The following GRIP2 variants were observed in gnomAD, a reference collection of about 807,000 sequenced individuals.
GRIP2 encodes glutamate receptor-interacting protein 2.
In GRIP2, 58 loss-of-function variants were observed where a neutral mutation model predicts 108.3. The ratio of observed to expected loss-of-function variants is 0.54; its 90% CI spans 0.43 to 0.67. The LOEUF (loss-of-function observed/expected upper bound fraction) is 0.67, where lower values mean the gene tolerates loss of function less well. Ranked by LOEUF, GRIP2 falls within the 30% of genes least tolerant of loss-of-function variation. GRIP2 has a pLI of 0.00. For synonymous variants in GRIP2, 586 were observed against 598.2 expected (o/e 0.98, Z 0.30); for missense variants, 1,278 against 1,430.6 (o/e 0.89, Z 1.72).
upstream of GRIP2, among the ~76,000 whole-genome samples, chr3:14,544,391 T>G (rs1448628743): frequency 6.6e-6 from 1 of 152,056 alleles, no homozygotes; most frequent in Non-Finnish European, 1.5e-5. Flanking sequence ...CCACTGTAGT[T>G]GAGAACCAAG....
chr3:14,496,401 C>T lies in GRIP2; in HGVS notation c.2823+16G>A. 2 of 1,598,254 alleles carry T rather than the reference C, an allele frequency of 1.3e-6. No homozygotes were observed. Among genetic ancestry groups the T allele is most frequent in the Non-Finnish European group, 1.7e-6 (2 of 1,169,830 alleles). On this transcript the variant is annotated intron_variant, in intron 22 of 23. Transcript: ENST00000621039. ...AACACAGGTCCAGGTCTCCTGTGCT[C>T]ACCCCCTGTGCCTACCTTGTGCATC...
At chr3:14,524,624 C>T in intron 3 of GRIP2, 86 bp from the exon 4 acceptor site, 1 of 1,390,900 alleles carries the variant, frequency 7.2e-7, no homozygotes, top group South Asian at 1.4e-5. Flanking sequence ...TCTGGAATCC[C>T]TATGATCACT....
chr3:14,540,503 A>G, upstream of GRIP2: 1 of 1,328,638 alleles, frequency 7.5e-7, no homozygotes, highest in Non-Finnish European at 1.0e-6. This position sits in a 1 kb window ranked among gnomAD's most constrained non-coding sequence, Gnocchi z 4.1. Flanking sequence ...GCTCCAGGAC[A>G]GGGTCCAACA....
At chr3:14,568,314 G>A in the GRIP2 span, among the ~76,000 whole-genome samples, 2 of 152,284 alleles carry the variant, frequency 1.3e-5, no homozygotes, top group Admixed American at 6.5e-5. Flanking sequence ...ACACCGGGAC[G>A]TGGACCAGGT....
intron 1 of GRIP2, among the ~76,000 whole-genome samples, chr3:14,547,499 CA>C (rs1695075608): frequency 6.6e-6 from 1 of 152,072 alleles, no homozygotes; most frequent in Non-Finnish European, 1.5e-5. Context: ...ACTTGGAGTT[CA>C]AAAATTAAAA....
Position 14,521,865 on chromosome 3 carries a change from G to A in GRIP2, c.567-78C>T, listed in dbSNP as rs765942685. On this transcript the variant is annotated intron_variant, in intron 6 of 23. Transcript: ENST00000621039. The surrounding 1 kb of genome is among the most constrained non-coding windows in gnomAD (Gnocchi z 5.1). ...CCTGTCTGGGAGGGCGCTGGGAAGC[G>A]GGACATGGAGGATGAAGAAGCAGGG... 2.2e-4 allele frequency: 300 copies of A among 1,353,580 alleles called. No homozygotes were observed. Among genetic ancestry groups the A allele is most frequent in the Non-Finnish European group, 2.6e-4 (268 of 1,019,986 alleles). The allele number at this position is 1,353,580 out of a possible 1,614,324, so 83.8% of individuals were successfully genotyped here.
chr3:14,493,592 C>T lies in GRIP2; in HGVS notation c.*73G>A. On this transcript the variant is annotated 3_prime_UTR_variant, in exon 24 of 24. Transcript: ENST00000621039. The stretch of plus-strand genomic sequence containing the variant: ...GATGAATGAGTGGGTGGCCGCTTCT[C>T]CAGCCCAGCTACGTGTCTGGGAGCC... The T allele has an allele frequency of 6.9e-7, 1 of 1,455,496 alleles. No individual in the cohort carries two copies. Among genetic ancestry groups the T allele is most frequent in the Non-Finnish European group, 9.2e-7 (1 of 1,091,732 alleles). 90.2% of individuals were successfully genotyped at this position (1,455,496 alleles called of 1,614,324 possible).
In GRIP2 at chr3:14,493,677, G is replaced by T; in HGVS notation, c.3120C>A (p.Pro1040=). The T allele has an allele frequency of 6.2e-7, 1 of 1,603,200 alleles. No homozygotes were observed. The highest frequency in any genetic ancestry group is 2.2e-5 in the East Asian group (1 of 44,508). Residue 1040 remains proline (P), a synonymous_variant, in exon 24 of 24, where the codon CCC becomes CCA. Coordinates refer to ENST00000621039, the MANE Select transcript of GRIP2 (RefSeq NM_001080423.4). ...CCACATGCTGACTTCAGAGCATCCG[G>T]GGACTGCTGGGGCCTGGCGATCGGG... The part of the protein sequence containing the change: ...RAPRSPGPSS[P]RML
At chr3:14,552,788 T>C (rs1053467609) in intron 1 of GRIP2, among the ~76,000 whole-genome samples, 15 of 152,272 alleles carry the variant, frequency 9.9e-5, no homozygotes, top group African/African-American at 3.6e-4. Flanking sequence ...TGATGGGGTT[T>C]CACCATGTTA....
At chr3:14,497,239 T>C (rs1422541984) in intron 21 of GRIP2, among the ~76,000 whole-genome samples, 1 of 152,132 alleles carries the variant, frequency 6.6e-6, no homozygotes, top group Non-Finnish European at 1.5e-5. Context: ...AGTGCTGGGA[T>C]TACAGGCGTG....
At chr3:14,602,824 C>T in the GRIP2 span, among the ~76,000 whole-genome samples, 3 of 151,708 alleles carry the variant, frequency 2.0e-5, no homozygotes, top group Non-Finnish European at 4.4e-5. The surrounding 1 kb of genome is among the most constrained non-coding windows in gnomAD (Gnocchi z 4.7). Context: ...GGACCCTCCC[C>T]GGCGCCCCAG....
intron 23 of GRIP2, among the ~76,000 whole-genome samples, 190 bp downstream of exon 23, chr3:14,494,653 A>T (rs1237647482): frequency 6.6e-6 from 1 of 152,176 alleles, no homozygotes; most frequent in Non-Finnish European, 1.5e-5. Context: ...CATGGGGTGT[A>T]AGAAGAAAGG....
upstream of GRIP2, among the ~76,000 whole-genome samples, chr3:14,541,666 C>G (rs1694973244): frequency 6.6e-6 from 1 of 152,242 alleles, no homozygotes; most frequent in African/African-American, 2.4e-5. Context: ...CTGCCGCCCA[C>G]TTCCTATGGT....
chr3:14,587,124 A>T, the GRIP2 span, among the ~76,000 whole-genome samples: 1 of 152,202 alleles, frequency 6.6e-6, no homozygotes, highest in Non-Finnish European at 1.5e-5. Context: ...ACTTAAGAGG[A>T]TTTATTTTCT....
the GRIP2 span, among the ~76,000 whole-genome samples, chr3:14,562,158 C>A: frequency 6.6e-6 from 1 of 152,234 alleles, no homozygotes; most frequent in South Asian, 2.1e-4. Flanking sequence ...CTGGTCCCCC[C>A]AGAACCCAGA....
chr3:14,509,218 A>ACCGC (rs1028460077), intron 17 of GRIP2, among the ~76,000 whole-genome samples: 6 of 151,500 alleles, frequency 4.0e-5, no homozygotes, highest in African/African-American at 1.5e-4. Context: ...CTCTCCTTTT[A>ACCGC]CCGCCCGCTC....
intron 1 of GRIP2, among the ~76,000 whole-genome samples, chr3:14,554,496 T>C (rs1695203127): frequency 6.6e-6 from 1 of 152,056 alleles, no homozygotes; most frequent in South Asian, 2.1e-4. Context: ...GAGGAGTCTC[T>C]GGTCAGACCC....
chr3:14,515,581 T>C (rs1229786090), intron 11 of GRIP2, among the ~76,000 whole-genome samples: 1 of 152,058 alleles, frequency 6.6e-6, no homozygotes, highest in Non-Finnish European at 1.5e-5. Flanking sequence ...TTGTATATTA[T>C]ACATTACAAA....
chr3:14,560,091 AT>A (rs550803766), upstream of GRIP2, among the ~76,000 whole-genome samples: 514 of 148,870 alleles, frequency 3.5e-3, no homozygotes, highest in Non-Finnish European at 5.7e-3. Flanking sequence ...TGTCTCTATA[AT>A]TTTTTTTTTT....
Sources: gnomAD v4.1 joint callset for allele counts (sites outside exome capture counted in the v4.1 genomes callset) on GRCh38, gnomAD v4.1.1 for gene constraint, Gnocchi (gnomAD v3.1) non-coding constraint, MANE v1.5 for transcripts, NCBI Gene and HGNC (gene_info 2026-07-23, HGNC 2026-07-21) for gene names.